Variants in LRMDA observed in about 807,000 individuals in gnomAD.
LRMDA encodes the protein leucine-rich melanocyte differentiation-associated protein.
A neutral mutation model predicts 29.8 loss-of-function variants in LRMDA; 18 were observed. The ratio of observed to expected loss-of-function variants is 0.60; its 90% CI spans 0.42 to 0.90. The LOEUF is 0.90. Among genes scored for constraint, LRMDA ranks in the 40% least tolerant of loss-of-function variants. The pLI is 0.00. For missense variants in LRMDA, 273 were observed against 273.9 expected (o/e 1.00, Z 0.02); for synonymous variants, 125 against 109.4 (o/e 1.14, Z -0.89).
At chr10:76,453,472 C>T (rs986148717) in intron 6 of LRMDA, among the ~76,000 whole-genome samples, 2 of 152,140 alleles carry the variant, frequency 1.3e-5, no homozygotes. Flanking sequence ...AGTGCAACAT[C>T]TGTTTTACTT....
At chr10:75,689,010 A>T (rs1423535513) in intron 2 of LRMDA, among the ~76,000 whole-genome samples, 1 of 151,952 alleles carries the variant, frequency 6.6e-6, no homozygotes, top group East Asian at 1.9e-4. Flanking sequence ...CAGTAACATA[A>T]CTTTTATATG....
At chr10:75,692,219 A>AATATATATATATATATAT (rs57600678) in intron 2 of LRMDA, among the ~76,000 whole-genome samples, 43 of 87,510 alleles carry the variant, frequency 4.9e-4, no homozygotes, top group African/African-American at 2.2e-3. Flanking sequence ...AAAAAAAAAA[A>AATATATATATATATATAT]ATATATATAT....
intron 5 of LRMDA, among the ~76,000 whole-genome samples, chr10:76,196,768 C>T (rs1851338034): frequency 6.6e-6 from 1 of 152,182 alleles, no homozygotes; most frequent in Non-Finnish European, 1.5e-5. Context: ...GCATTATATC[C>T]AACGTGTAAT....
intron 2 of LRMDA, among the ~76,000 whole-genome samples, chr10:75,776,543 G>C (rs1843313821): frequency 6.6e-6 from 1 of 152,168 alleles, no homozygotes; most frequent in Admixed American, 6.5e-5. Context: ...TCCATGTTTG[G>C]CTGTATCCCT....
intron 2 of LRMDA, among the ~76,000 whole-genome samples, chr10:76,016,040 G>A (rs1410291286): frequency 6.6e-6 from 1 of 152,124 alleles, no homozygotes; most frequent in Non-Finnish European, 1.5e-5. Context: ...CTTTGTGACA[G>A]TTCTATTGTT....
At chr10:75,801,553 A>T (rs1843743785) in intron 2 of LRMDA, among the ~76,000 whole-genome samples, 1 of 152,156 alleles carries the variant, frequency 6.6e-6, no homozygotes, top group African/African-American at 2.4e-5. Context: ...TATAATTTTT[A>T]ACTCTTTATG....
intron 2 of LRMDA, among the ~76,000 whole-genome samples, chr10:75,726,217 T>C (rs1564550556): frequency 6.6e-6 from 1 of 151,974 alleles, no homozygotes; most frequent in Admixed American, 6.5e-5. Context: ...GCCATTACAG[T>C]GGGGGAAAAT....
In LRMDA at chr10:76,051,318, T is replaced by C. The variant is rs543171949; in HGVS notation, c.398+4015T>C. 2.4e-3 allele frequency among the ~76,000 whole-genome samples: 370 copies of C among 152,380 alleles called. 2 individuals are homozygous for C. Among genetic ancestry groups the C allele is most frequent in the African/African-American group, 7.5e-3 (310 of 41,592 alleles). ...AGCCCACAGAGTAATTGCCGGTTAC[T>C]CTCTGTAGAGGGCCTTGGTCTGTCC... On this transcript the variant is annotated intron_variant, in intron 4 of 6. Coordinates refer to ENST00000611255, the MANE Select transcript of LRMDA (RefSeq NM_001305581.2).
At chr10:75,602,504 G>A (rs1444843675) in intron 2 of LRMDA, among the ~76,000 whole-genome samples, 2 of 152,142 alleles carry the variant, frequency 1.3e-5, no homozygotes, top group African/African-American at 4.8e-5. Context: ...TCTCCCCAAG[G>A]TCTAATACGG....
chr10:75,586,305 G>A (rs1594335), intron 2 of LRMDA, among the ~76,000 whole-genome samples: 89,869 of 145,516 alleles, frequency 0.62, 30,412 homozygotes, highest in East Asian at 0.85. Flanking sequence ...CACTAACACT[G>A]TGCAAGGGTT....
chr10:75,990,789 T>C (rs1564624500), intron 2 of LRMDA, among the ~76,000 whole-genome samples: 1 of 152,206 alleles, frequency 6.6e-6, no homozygotes, highest in Non-Finnish European at 1.5e-5. Context: ...TGCCAGGGGC[T>C]GCTGGGACTC....
At chr10:76,316,675 T>G (rs1840703627) in intron 5 of LRMDA, among the ~76,000 whole-genome samples, 1 of 152,224 alleles carries the variant, frequency 6.6e-6, no homozygotes, top group Admixed American at 6.5e-5. Flanking sequence ...TGCATATAAT[T>G]AATGCCAGAA....
chr10:75,850,597 G>A (rs1844715270), intron 2 of LRMDA, among the ~76,000 whole-genome samples: 1 of 152,098 alleles, frequency 6.6e-6, no homozygotes, highest in South Asian at 2.1e-4. Flanking sequence ...GCTGTTGAGT[G>A]GTATAGAAAA....
At chr10:76,189,453 C>A (rs1471949115) in intron 5 of LRMDA, among the ~76,000 whole-genome samples, 1 of 152,156 alleles carries the variant, frequency 6.6e-6, no homozygotes, top group East Asian at 1.9e-4. Context: ...ATCTTGGAAT[C>A]AGGTTGGACA....
chr10:76,258,290 A>G (rs1244994117), intron 5 of LRMDA, among the ~76,000 whole-genome samples: 1 of 152,156 alleles, frequency 6.6e-6, no homozygotes, highest in East Asian at 1.9e-4. Flanking sequence ...TTTTTTATGT[A>G]GTTCATGTAG....
intron 2 of LRMDA, among the ~76,000 whole-genome samples, chr10:75,782,511 A>T (rs549817567): frequency 6.6e-6 from 1 of 151,884 alleles, no homozygotes; most frequent in African/African-American, 2.4e-5. Flanking sequence ...GGCTTCTTCC[A>T]CTTTATATTG....
chr10:76,429,996 A>G (rs191742549), intron 6 of LRMDA, among the ~76,000 whole-genome samples: 6 of 152,368 alleles, frequency 3.9e-5, no homozygotes, highest in African/African-American at 1.2e-4. Context: ...CACTTGGAAC[A>G]TTTATATTTC....
chr10:75,621,050 G>A (rs1036968740), intron 2 of LRMDA, among the ~76,000 whole-genome samples: 7 of 152,006 alleles, frequency 4.6e-5, no homozygotes, highest in Non-Finnish European at 8.8e-5. Flanking sequence ...TTGTGTCCTC[G>A]TAGCTTAGCT....
intron 2 of LRMDA, among the ~76,000 whole-genome samples, chr10:75,482,214 G>C (rs2132053745): frequency 6.6e-6 from 1 of 152,238 alleles, no homozygotes; most frequent in East Asian, 1.9e-4. Context: ...CCAGTTCTGA[G>C]CTAGACCTTA....
Sources: allele counts gnomAD v4.1 joint callset (sites outside exome capture counted in the v4.1 genomes callset), GRCh38; gene constraint gnomAD v4.1.1; transcripts MANE v1.5; gene names NCBI Gene and HGNC (gene_info 2026-07-23, HGNC 2026-07-21).